USP6NL: variants seen among roughly 807,000 people sequenced by gnomAD.
The protein encoded by USP6NL is USP6 N-terminal-like protein.
Under a neutral mutation model 61.9 loss-of-function variants are expected in USP6NL, and 26 were observed. The ratio of observed to expected loss-of-function variants is 0.42; its 90% confidence interval spans 0.31 to 0.58. The LOEUF is 0.58. USP6NL is among the 20% of genes least tolerant of loss of function. The pLI is 0.16. For synonymous variants in USP6NL, 432 were observed against 390.1 expected (o/e 1.11, Z -1.27); for missense variants, 1,114 against 1,034.3 (o/e 1.08, Z -1.06).
rs375113128 is a variant in USP6NL, at chr10:11,525,478, G to C, written c.73-10C>G. 10 of 1,555,624 alleles carry C rather than the reference G, an allele frequency of 6.4e-6. No individual in the cohort carries two copies. In the Admixed American group the frequency reaches 1.6e-4, roughly 24 times the overall value. ...CTGCACCTTCTCGTCCCTAAAATAA[G>C]GCACAAAAAAAGGTGTTAATCAGAG... On this transcript the variant is annotated splice_polypyrimidine_tract_variant and intron_variant, in intron 3 of 14. Coordinates refer to ENST00000609104, the MANE Select transcript of USP6NL (RefSeq NM_014688.5). This position sits in a 1 kb window ranked among gnomAD's most constrained non-coding sequence, Gnocchi z 5.0.
rs1242837003 is a variant in USP6NL at position 11,481,733 on chromosome 10, TTA to T, written c.1078+35_1078+36del. The T allele has an allele frequency of 6.4e-7, 1 of 1,559,448 alleles. No individual in the cohort carries two copies. The highest frequency in any genetic ancestry group is 8.6e-7 in the Non-Finnish European group (1 of 1,156,580). On this transcript the variant is annotated intron_variant, in intron 14 of 14. Transcript: ENST00000609104. This position sits in a 1 kb window ranked among gnomAD's most constrained non-coding sequence, Gnocchi z 4.4. ...ATTATGCCATGTCTTCCAATCTTAA[TTA>T]TAACGTAGATATAAAGTATTGGGGT... is the stretch of plus-strand genomic sequence containing the variant.
rs1832405813 is a variant in USP6NL at position 11,465,380 on chromosome 10, T to C, written c.1079-1531A>G. 6.6e-6 allele frequency among the ~76,000 whole-genome samples: 1 copy of C among 152,188 alleles called. No individual in the cohort carries two copies. Among genetic ancestry groups the C allele is most frequent in the Non-Finnish European group, 1.5e-5 (1 of 68,034 alleles). On this transcript the variant is annotated intron_variant, in intron 14 of 14. Transcript: ENST00000609104. The surrounding 1 kb of genome is among the most constrained non-coding windows in gnomAD (Gnocchi z 4.5). ...ACGCCCAGAGTGGTGAATGCATGCC[T>C]GAAGATGCACTGTCACAGGGGCAAA...
chr10:11,533,785 G>A (rs1835741067), intron 2 of USP6NL, among the ~76,000 whole-genome samples: 1 of 152,168 alleles, frequency 6.6e-6, no homozygotes, highest in African/African-American at 2.4e-5. Context: ...TGTTACAGCA[G>A]CATGAAAACA....
At chr10:11,466,084 G>A (rs899454145) in intron 14 of USP6NL, among the ~76,000 whole-genome samples, 1 of 152,174 alleles carries the variant, frequency 6.6e-6, no homozygotes, top group African/African-American at 2.4e-5. Context: ...ATACTTTGCA[G>A]ATTTCTGTAT....
chr10:11,528,427 A>G lies in USP6NL; in HGVS notation c.5-860T>C, dbSNP rs1016429447. On this transcript the variant is annotated intron_variant, in intron 2 of 14. Coordinates refer to ENST00000609104, the MANE Select transcript of USP6NL (RefSeq NM_014688.5). The surrounding 1 kb of genome is among the most constrained non-coding windows in gnomAD (Gnocchi z 4.6). ...CATTCTTATTAAGTGCCTGGCAGAT[A>G]GTAAGATACTGCCAGGCAGCAAATA... Among the ~76,000 whole-genome samples the G allele has an allele frequency of 6.6e-6, 1 of 152,190 alleles. No homozygotes were observed. Among genetic ancestry groups the G allele is most frequent in the African/African-American group, 2.4e-5 (1 of 41,442 alleles).
intron 2 of USP6NL, among the ~76,000 whole-genome samples, chr10:11,572,162 T>C (rs898428783): frequency 7.2e-5 from 11 of 151,842 alleles, no homozygotes; most frequent in African/African-American, 2.4e-4. Flanking sequence ...AAAATTCCAA[T>C]AAAAAATTCT....
At chr10:11,549,571 T>C (rs1836411641) in intron 2 of USP6NL, among the ~76,000 whole-genome samples, 1 of 152,212 alleles carries the variant, frequency 6.6e-6, no homozygotes. Context: ...CCTAAGCAGC[T>C]ACTTTATTTT....
At position 11,565,487 on chromosome 10, in the gene USP6NL, A is replaced by G. The variant is rs1165759302; in HGVS notation, c.4+32144T>C. On this transcript the variant is annotated intron_variant, in intron 2 of 14. Transcript: ENST00000609104. ...AAACCATGTCTCTACTAAAAATACAAAAAGATTAGCTGGGCGTGGTGGCGG... is the reference window on the plus strand; with the variant it reads ...AAACCATGTCTCTACTAAAAATACAGAAAGATTAGCTGGGCGTGGTGGCGG... The G allele has an allele frequency of 3.3e-5, 5 of 152,136 alleles. No homozygotes were observed. The East Asian group carries it at 9.6e-4, about 29-fold the overall frequency. The allele number at this position is 152,136 out of a possible 1,614,324, so 9.4% of individuals were successfully genotyped here. A position where few individuals can be genotyped will look rare whatever the true frequency, so the allele number is the denominator to read the frequency against.
At position 11,562,295 on chromosome 10, in the gene USP6NL, C is replaced by G. The variant is rs907821976; in HGVS notation, c.5-34728G>C. The stretch of plus-strand genomic sequence containing the variant: ...AAAAAAAAAATTGCATTCCCAGGAC[C>G]CCCCTGCAGCTAGCAGCAGCCATGT... On this transcript the variant is annotated intron_variant, in intron 2 of 14. Coordinates refer to ENST00000609104, the MANE Select transcript of USP6NL (RefSeq NM_014688.5). This position sits in a 1 kb window ranked among gnomAD's most constrained non-coding sequence, Gnocchi z 4.8. 3.8e-5 allele frequency: 30 copies of G among 789,144 alleles called. No homozygotes were observed. Among genetic ancestry groups the G allele is most frequent in the Non-Finnish European group, 4.6e-5 (30 of 650,216 alleles). 48.9% of individuals were successfully genotyped at this position (789,144 alleles called of 1,614,324 possible).
At chr10:11,505,549 C>T (rs1345393337) in intron 6 of USP6NL, among the ~76,000 whole-genome samples, 1 of 152,130 alleles carries the variant, frequency 6.6e-6, no homozygotes, top group African/African-American at 2.4e-5. Flanking sequence ...TGAATTGTAA[C>T]ATTTCAGTAT....
chr10:11,579,295 A>C (rs949553328), intron 2 of USP6NL, among the ~76,000 whole-genome samples: 1 of 152,236 alleles, frequency 6.6e-6, no homozygotes, highest in Non-Finnish European at 1.5e-5. Flanking sequence ...AATCTTTCAA[A>C]CCACAAATTG....
chr10:11,465,716 T>C lies in USP6NL; in HGVS notation c.1079-1867A>G, dbSNP rs1215441494. ...GGAGGTGCCCAGATTCTGAGTTCCA[T>C]GTTTCAGTCTGCATCAATTCTCAAT... On this transcript the variant is annotated intron_variant, in intron 14 of 14. Coordinates refer to ENST00000609104, the MANE Select transcript of USP6NL (RefSeq NM_014688.5). This position sits in a 1 kb window ranked among gnomAD's most constrained non-coding sequence, Gnocchi z 4.5. Among the ~76,000 whole-genome samples, 1 of 152,150 alleles carries C rather than the reference T, an allele frequency of 6.6e-6. No individual in the cohort carries two copies. The highest frequency in any genetic ancestry group is 1.5e-5 in the Non-Finnish European group (1 of 68,026).
rs1364187245 is a variant in USP6NL, at chr10:11,596,397, G to A, written c.4+1234C>T. Among the ~76,000 whole-genome samples the A allele has an allele frequency of 1.3e-5, 2 of 152,002 alleles. No homozygotes were observed. The highest frequency in any genetic ancestry group is 2.9e-5 in the Non-Finnish European group (2 of 67,976). On this transcript the variant is annotated intron_variant, in intron 2 of 14. Coordinates refer to ENST00000609104, the MANE Select transcript of USP6NL (RefSeq NM_014688.5). This position sits in a 1 kb window ranked among gnomAD's most constrained non-coding sequence, Gnocchi z 4.1. ...AGCATTTTGGGAGGCTGAGGCGGGC[G>A]GATCACAAGGTCAGGAGATCGAGAC...
At chr10:11,549,320 C>T (rs1341359391) in intron 2 of USP6NL, among the ~76,000 whole-genome samples, 1 of 152,122 alleles carries the variant, frequency 6.6e-6, no homozygotes, top group Non-Finnish European at 1.5e-5. Context: ...TTTATGTTTA[C>T]ATTATATGAT....
chr10:11,544,750 A>G (rs560008307), intron 2 of USP6NL, among the ~76,000 whole-genome samples: 5 of 152,284 alleles, frequency 3.3e-5, no homozygotes, highest in African/African-American at 1.2e-4. Context: ...CGGCCTCCCA[A>G]AGTGCTGGGA....
chr10:11,608,016 T>C (rs772143494), intron 1 of USP6NL, among the ~76,000 whole-genome samples: 23 of 152,336 alleles, frequency 1.5e-4, no homozygotes, highest in Middle Eastern at 3.4e-3. Context: ...GATCTTTCTG[T>C]AGGCAAACGA....
In USP6NL at chr10:11,496,706, T is replaced by A. The variant is rs777076565; in HGVS notation, c.385-3478A>T. ...CTGCTTGAATCAATTCCAATAAATA[T>A]ACATAAAAACATAACTGTTCCCGAC... is the stretch of plus-strand genomic sequence containing the variant. On this transcript the variant is annotated intron_variant, in intron 7 of 14. Coordinates refer to ENST00000609104, the MANE Select transcript of USP6NL (RefSeq NM_014688.5). The surrounding 1 kb of genome is among the most constrained non-coding windows in gnomAD (Gnocchi z 5.4). Among the ~76,000 whole-genome samples, 18 of 152,078 alleles carry A rather than the reference T, an allele frequency of 1.2e-4. No individual in the cohort carries two copies. Among genetic ancestry groups the A allele is most frequent in the Non-Finnish European group, 2.6e-4 (18 of 68,022 alleles).
rs1836940143 is a variant in USP6NL at position 11,561,759 on chromosome 10, C to A, written c.5-34192G>T. Among the ~76,000 whole-genome samples the A allele has an allele frequency of 6.6e-6, 1 of 152,102 alleles. No individual in the cohort carries two copies. The highest frequency in any genetic ancestry group is 2.1e-4 in the South Asian group (1 of 4,830). Reference sequence around the variant, plus strand: ...TGACTTGCAGACTAGAATTAGTAGGCCAGATGAAACACAACTTTTAATTTT... The same window carrying A: ...TGACTTGCAGACTAGAATTAGTAGGACAGATGAAACACAACTTTTAATTTT... On this transcript the variant is annotated intron_variant, in intron 2 of 14. Coordinates refer to ENST00000609104, the MANE Select transcript of USP6NL (RefSeq NM_014688.5). The surrounding 1 kb of genome is among the most constrained non-coding windows in gnomAD (Gnocchi z 4.1).
At chr10:11,469,341 A>T (rs980670333) in intron 14 of USP6NL, among the ~76,000 whole-genome samples, 3 of 152,238 alleles carry the variant, frequency 2.0e-5, no homozygotes, top group South Asian at 2.1e-4. Context: ...TCAACTATTC[A>T]TATGAGTTAG....
Sources: allele counts gnomAD v4.1 joint callset (sites outside exome capture counted in the v4.1 genomes callset), GRCh38; gene constraint gnomAD v4.1.1; non-coding constraint Gnocchi (gnomAD v3.1); transcripts MANE v1.5; gene names NCBI Gene and HGNC (gene_info 2026-07-23, HGNC 2026-07-21).